ERG: variants seen among roughly 807,000 people sequenced by gnomAD.
ERG encodes the protein ETS transcription factor ERG.
ERG carries 9 observed loss-of-function variants against 55.3 expected under a neutral mutation model. The ratio of observed to expected loss-of-function variants is 0.16; its 90% CI spans 0.10 to 0.28. The LOEUF is 0.28. ERG is among the 10% of genes least tolerant of loss of function. The pLI, the probability that ERG is intolerant of heterozygous loss-of-function variation, is 1.00. For missense variants in ERG, 434 were observed against 631.6 expected (o/e 0.69, Z 3.35); for synonymous variants, 223 against 237.3 (o/e 0.94, Z 0.55).
intron 2 of ERG, among the ~76,000 whole-genome samples, chr21:38,442,383 C>T (rs752091354): frequency 1.3e-5 from 2 of 152,066 alleles, no homozygotes; most frequent in Non-Finnish European, 2.9e-5. Context: ...TAAAAAAGAG[C>T]AAAACTCCAT....
At chr21:38,591,544 T>C (rs1490785899) in intron 1 of ERG, among the ~76,000 whole-genome samples, 1 of 152,122 alleles carries the variant, frequency 6.6e-6, no homozygotes, top group East Asian at 1.9e-4. Context: ...ATACAAAAAT[T>C]AGCCGGGCAT....
At chr21:38,562,472 C>T (rs915223465) in intron 2 of ERG, among the ~76,000 whole-genome samples, 2 of 152,098 alleles carry the variant, frequency 1.3e-5, no homozygotes, top group South Asian at 2.1e-4. Context: ...TAGTTTGTGG[C>T]GCACAATCTC....
intron 1 of ERG, among the ~76,000 whole-genome samples, chr21:38,597,495 A>ACACACACG (rs1446263782): frequency 6.6e-6 from 1 of 151,946 alleles, no homozygotes; most frequent in African/African-American, 2.4e-5. Flanking sequence ...ACACACACAC[A>ACACACACG]CACACGCACA....
At position 38,381,096 on chromosome 21, in the gene ERG, G is replaced by A. The variant is rs529561296; in HGVS notation, c.*2307C>T. On this transcript the variant is annotated 3_prime_UTR_variant, in exon 10 of 10. Transcript: ENST00000288319. ...GGGCTCCGTCTAATCCAAATGACACGGGGTGTCAGGAGCATTGGTAATCGT... is the reference window on the plus strand; with the variant it reads ...GGGCTCCGTCTAATCCAAATGACACAGGGTGTCAGGAGCATTGGTAATCGT... The A allele has an allele frequency of 1.3e-5, 14 of 1,064,636 alleles. No individual in the cohort carries two copies. In the Admixed American group the frequency reaches 1.6e-4, roughly 12 times the overall value. 65.9% of individuals were successfully genotyped at this position (1,064,636 alleles called of 1,614,324 possible).
At chr21:38,591,137 A>G (rs79752082) in intron 1 of ERG, among the ~76,000 whole-genome samples, 3,616 of 152,318 alleles carry the variant, frequency 0.024, 81 homozygotes, top group East Asian at 0.093. Context: ...GATCTAAGTC[A>G]TGGAAGCCAA....
At chr21:38,491,680 T>C (rs2059337369) in intron 1 of ERG, among the ~76,000 whole-genome samples, 1 of 152,214 alleles carries the variant, frequency 6.6e-6, no homozygotes, top group African/African-American at 2.4e-5. Context: ...TCCCAGAGTT[T>C]AATTCCATGA....
chr21:38,585,532 CTTTTTTTT>C (rs760791568), upstream of ERG, among the ~76,000 whole-genome samples: 29 of 59,282 alleles, frequency 4.9e-4, 3 homozygotes, highest in East Asian at 6.4e-3. Context: ...TCTCTCTCTT[CTTTTTTTT>C]TTTTTTTTTT....
At position 38,408,876 on chromosome 21, in the gene ERG, G is replaced by A. The variant is rs528250747; in HGVS notation, c.389-5167C>T. Among the ~76,000 whole-genome samples, 26 of 152,264 alleles carry A rather than the reference G, an allele frequency of 1.7e-4. No individual in the cohort carries two copies. In the South Asian group the frequency reaches 3.5e-3, roughly 21 times the overall value. On this transcript the variant is annotated intron_variant, in intron 3 of 9. Coordinates refer to ENST00000288319, the MANE Select transcript of ERG (RefSeq NM_182918.4). ...AGGCATCACCTTTGCCTATGTTTAGGTGCGACCTTCTGCCCTAGGTAGGAA... is the reference window on the plus strand; with the variant it reads ...AGGCATCACCTTTGCCTATGTTTAGATGCGACCTTCTGCCCTAGGTAGGAA...
chr21:38,463,742 G>C (rs2146601990), intron 1 of ERG, among the ~76,000 whole-genome samples: 1 of 152,332 alleles, frequency 6.6e-6, no homozygotes, highest in South Asian at 2.1e-4. Flanking sequence ...GGAGGGCCCA[G>C]GGTATGTGTG....
intron 2 of ERG, among the ~76,000 whole-genome samples, chr21:38,557,077 T>A (rs1233176075): frequency 6.6e-6 from 1 of 152,196 alleles, no homozygotes; most frequent in East Asian, 1.9e-4. Flanking sequence ...GACTCTCCAC[T>A]GAACTCACAA....
At chr21:38,588,907 A>T (rs62956560), upstream of ERG, among the ~76,000 whole-genome samples, 1 of 142,784 alleles carries the variant, frequency 7.0e-6, no homozygotes, top group Non-Finnish European at 1.6e-5. Flanking sequence ...TAAAAAAAAA[A>T]TTTTGGAGAC....
chr21:38,587,561 T>C (rs1041088171), upstream of ERG, among the ~76,000 whole-genome samples: 15 of 152,250 alleles, frequency 9.9e-5, no homozygotes, highest in Admixed American at 3.3e-4. Context: ...TTTCATCGTG[T>C]TAGCCAGGAC....
At chr21:38,445,713 AC>A in intron 1 of ERG, 92 bp from the exon 2 acceptor site, 2 of 957,758 alleles carry the variant, frequency 2.1e-6, no homozygotes, top group Non-Finnish European at 3.3e-6. Flanking sequence ...TCTAACTGGG[AC>A]CACATTTTAG....
chr21:38,618,531 G>A lies in ERG; in HGVS notation c.-149-33586C>T, dbSNP rs553523231. On this transcript the variant is annotated intron_variant, in intron 1 of 10. Transcript: ENST00000398910. The stretch of plus-strand genomic sequence containing the variant: ...TCCCTAAGTGGACAAGAGCAGGCAA[G>A]CTCTCTCATTTGGCGGGGAGGTTGG... Among the ~76,000 whole-genome samples, 107 of 152,308 alleles carry A rather than the reference G, an allele frequency of 7.0e-4. 1 individual carries two copies. Among genetic ancestry groups the A allele is most frequent in the Middle Eastern group, 3.4e-3 (1 of 294 alleles).
At chr21:38,435,464 C>G (rs1032968324) in intron 2 of ERG, among the ~76,000 whole-genome samples, 2 of 152,194 alleles carry the variant, frequency 1.3e-5, no homozygotes, top group African/African-American at 4.8e-5. Context: ...GAACTCCGGG[C>G]TCAAACTGAA....
At chr21:38,492,043 G>C (rs2059340873) in intron 1 of ERG, among the ~76,000 whole-genome samples, 1 of 77,084 alleles carries the variant, frequency 1.3e-5, no homozygotes, top group Non-Finnish European at 4.1e-5. Flanking sequence ...ATTATTTCAT[G>C]TGTCTCCATA....
intron 1 of ERG, among the ~76,000 whole-genome samples, chr21:38,461,930 G>A (rs1262335556): frequency 6.6e-6 from 1 of 152,034 alleles, no homozygotes; most frequent in Admixed American, 6.6e-5. Flanking sequence ...TCAGCCTCCT[G>A]AATAGCTGGG....
intron 2 of ERG, among the ~76,000 whole-genome samples, chr21:38,557,365 A>G (rs2059864586): frequency 6.6e-6 from 1 of 152,182 alleles, no homozygotes; most frequent in Non-Finnish European, 1.5e-5. Context: ...AATAAAATGG[A>G]AAGATCCAGG....
Position 38,650,120 on chromosome 21 carries a change from C to T in ERG, c.-150+11538G>A, listed in dbSNP as rs185238098. 1.2e-4 allele frequency among the ~76,000 whole-genome samples: 19 copies of T among 152,214 alleles called. No homozygotes were observed. In the East Asian group the frequency reaches 3.3e-3, roughly 26 times the overall value. ...TTTTATTTTTACAGTAAGCACTGCC[C>T]ACTGGGAAAAATAAACCAAAATAAA... On this transcript the variant is annotated intron_variant, in intron 1 of 10. Coordinates refer to the ERG transcript ENST00000398910.
Sources: allele counts gnomAD v4.1 joint callset (sites outside exome capture counted in the v4.1 genomes callset), GRCh38; gene constraint gnomAD v4.1.1; transcripts MANE v1.5; gene names NCBI Gene and HGNC (gene_info 2026-07-23, HGNC 2026-07-21).